PRAG1: variants seen among roughly 807,000 people sequenced by gnomAD.
PRAG1 encodes the protein PEAK1 related, kinase-activating pseudokinase 1.
PRAG1 carries 110 observed loss-of-function variants against 95.6 expected under a neutral mutation model. The observed-to-expected ratio is 1.15, with a 90% CI of 0.99 to 1.35. The LOEUF is 1.35. Among genes scored for constraint, PRAG1 ranks in the 40% most tolerant of loss-of-function variants. The pLI, the probability that PRAG1 is intolerant of heterozygous loss-of-function variation, is 0.00. For missense variants in PRAG1, 2,554 were observed against 1,864.7 expected, an observed-to-expected ratio of 1.37 and a Z score of -6.81; for synonymous variants, 1,052 against 819.4, an observed-to-expected ratio of 1.28 and a Z score of -4.85.
intron 4 of PRAG1, among the ~76,000 whole-genome samples, chr8:8,337,500 G>C (rs558325687): frequency 6.6e-6 from 1 of 152,158 alleles, no homozygotes; most frequent in Non-Finnish European, 1.5e-5. Context: ...GAGAGAGAGA[G>C]AGAAAGAATG....
At chr8:8,380,476 A>G (rs1212794624) in intron 2 of PRAG1, among the ~76,000 whole-genome samples, 1 of 152,008 alleles carries the variant, frequency 6.6e-6, no homozygotes. Flanking sequence ...GTATGTACCT[A>G]TAGCCCCAGC....
chr8:8,380,587 G>A (rs1372894556), intron 2 of PRAG1, among the ~76,000 whole-genome samples: 1 of 151,982 alleles, frequency 6.6e-6, no homozygotes, highest in East Asian at 1.9e-4. Flanking sequence ...AATTAGCGGT[G>A]CCTCACGCCT....
intron 2 of PRAG1, among the ~76,000 whole-genome samples, chr8:8,378,472 G>A (rs911812522): frequency 5.9e-5 from 9 of 152,176 alleles, no homozygotes; most frequent in Non-Finnish European, 1.0e-4. Flanking sequence ...TTGGGGTTTT[G>A]TTTAATTTTT....
At position 8,328,322 on chromosome 8, in the gene PRAG1, T is replaced by A. The variant is rs773193946; in HGVS notation, c.2460A>T (p.Ile820=). 17 of 1,613,542 alleles carry A rather than the reference T, an allele frequency of 1.1e-5. No homozygotes were observed. The highest frequency in any genetic ancestry group is 1.4e-5 in the Non-Finnish European group (17 of 1,179,854). The part of the protein sequence containing the change: ...QQPPPLPQKK[I]VSRAASSPDG... ...CCGGTGAAGAGGCTGCCCGGCTCACTATCTTTTTCTGGGGGAGTGGAGGGG... is the reference window on the plus strand; with the variant it reads ...CCGGTGAAGAGGCTGCCCGGCTCACAATCTTTTTCTGGGGGAGTGGAGGGG... The change falls in exon 5 of 6, where the codon ATA becomes ATT. Residue 820 remains isoleucine, a synonymous_variant. Coordinates refer to ENST00000615670, the MANE Select transcript of PRAG1 (RefSeq NM_001080826.3).
chr8:8,331,053 T>C (rs553493147), intron 4 of PRAG1, among the ~76,000 whole-genome samples: 2 of 152,094 alleles, frequency 1.3e-5, no homozygotes, highest in Non-Finnish European at 2.9e-5. Flanking sequence ...CAATTTATCA[T>C]CAACACAACA....
At chr8:8,329,651 G>A (rs1798756869) in intron 4 of PRAG1, among the ~76,000 whole-genome samples, 1 of 152,184 alleles carries the variant, frequency 6.6e-6, no homozygotes, top group Non-Finnish European at 1.5e-5. Flanking sequence ...GACATTTCTA[G>A]GGCTGCTCCT....
chr8:8,374,753 C>T, intron 3 of PRAG1: 1 of 966,056 alleles, frequency 1.0e-6, no homozygotes, highest in Non-Finnish European at 1.2e-6. Flanking sequence ...GGTGGGCGGC[C>T]AGTGCAATAC....
chr8:8,345,695 T>G (rs1373841205), intron 3 of PRAG1, among the ~76,000 whole-genome samples: 1 of 152,134 alleles, frequency 6.6e-6, no homozygotes. Flanking sequence ...CTCAGGAGAC[T>G]AAGGCAGGAG....
At chr8:8,384,888 G>C (rs972512891) in intron 1 of PRAG1, among the ~76,000 whole-genome samples, 2 of 152,110 alleles carry the variant, frequency 1.3e-5, no homozygotes, top group African/African-American at 2.4e-5. Context: ...AAAGAGCTCA[G>C]CATTCTTTCT....
chr8:8,340,207 T>C (rs1236188134), intron 3 of PRAG1, among the ~76,000 whole-genome samples: 2 of 152,234 alleles, frequency 1.3e-5, no homozygotes, highest in Non-Finnish European at 2.9e-5. Context: ...TAGAAACAAA[T>C]TGACATAACC....
Position 8,381,435 on chromosome 8 carries a change from T to C in PRAG1, c.313A>G (p.Ser105Gly). 1 of 1,606,208 alleles carries C rather than the reference T, an allele frequency of 6.2e-7. No individual in the cohort carries two copies. The highest frequency in any genetic ancestry group is 8.5e-7 in the Non-Finnish European group (1 of 1,173,476). Residue 105 changes from serine to glycine, a missense_variant, in exon 2 of 6, where the codon AGT becomes GGT. Physicochemically the swap from Ser to Gly is moderately conservative, Grantham distance 56. Transcript: ENST00000615670. ...AGCCTCACCTGCGAGACTTCGGCAC[T>C]CAGGTTGGCCTCTGTCCACACATCA... Reference protein sequence around the residue: ...ASDVWTEANLSAEVSQVIWRR... With the variant: ...ASDVWTEANLGAEVSQVIWRR...
chr8:8,334,984 T>C (rs147157070), intron 4 of PRAG1, among the ~76,000 whole-genome samples: 35 of 151,916 alleles, frequency 2.3e-4, no homozygotes, highest in Non-Finnish European at 4.4e-4. Flanking sequence ...GGCAGGAGAA[T>C]TGTTTGAACC....
intron 1 of PRAG1, among the ~76,000 whole-genome samples, chr8:8,385,989 C>G (rs1800834646): frequency 6.6e-6 from 1 of 152,206 alleles, no homozygotes; most frequent in Non-Finnish European, 1.5e-5. Context: ...AGCCTCCGGC[C>G]GCAGACAGAG....
chr8:8,378,126 GAA>G, intron 2 of PRAG1, 48 bp from the exon 3 acceptor site: 2 of 1,499,992 alleles, frequency 1.3e-6, no homozygotes, highest in Non-Finnish European at 1.8e-6. Flanking sequence ...ACTTGTCATA[GAA>G]AAAAGAGAGA....
chr8:8,349,979 T>C (rs543355534), intron 3 of PRAG1, among the ~76,000 whole-genome samples: 1 of 148,820 alleles, frequency 6.7e-6, no homozygotes, highest in South Asian at 2.1e-4. Flanking sequence ...CAAACACACA[T>C]ACATGCACAC....
chr8:8,334,445 AAAG>A (rs759129959), intron 4 of PRAG1, among the ~76,000 whole-genome samples: 47 of 151,838 alleles, frequency 3.1e-4, no homozygotes, highest in African/African-American at 1.1e-3. Flanking sequence ...CAAAAAAAAA[AAAG>A]CATTTCTTTA....
At position 8,328,770 on chromosome 8, in the gene PRAG1, G is replaced by A. The variant is rs563289629; in HGVS notation, c.2321-309C>T. Among the ~76,000 whole-genome samples the A allele has an allele frequency of 2.7e-5, 4 of 150,466 alleles. No homozygotes were observed. In the East Asian group the frequency reaches 5.8e-4, roughly 22 times the overall value. ...AATCCAAACAAATGCGTGCCTGCAC[G>A]CGTGCGCACACACACACACACACAC... On this transcript the variant is annotated intron_variant, in intron 4 of 5. Coordinates refer to ENST00000615670, the MANE Select transcript of PRAG1 (RefSeq NM_001080826.3).
chr8:8,331,361 G>C lies in PRAG1; in HGVS notation c.2321-2900C>G, dbSNP rs144498915. Among the ~76,000 whole-genome samples the C allele has an allele frequency of 3.8e-3, 575 of 152,222 alleles. 2 individuals are homozygous for C. The Middle Eastern group carries it at 0.041, about 11-fold the overall frequency. ...CCAATTTGAGGGTGAGCAGTGGAGT[G>C]AACACTTCACCAGCTGTCAGCCTGC... is the stretch of plus-strand genomic sequence containing the variant. On this transcript the variant is annotated intron_variant, in intron 4 of 5. Transcript: ENST00000615670.
At chr8:8,364,835 G>C (rs533306175) in intron 3 of PRAG1, among the ~76,000 whole-genome samples, 10 of 152,058 alleles carry the variant, frequency 6.6e-5, no homozygotes, top group Non-Finnish European at 1.3e-4. Flanking sequence ...GAACTGTAAG[G>C]ATCTTCTCTA....
Sources: gnomAD v4.1 joint callset for allele counts (sites outside exome capture counted in the v4.1 genomes callset) on GRCh38, gnomAD v4.1.1 for gene constraint, MANE v1.5 for transcripts, NCBI Gene and HGNC (gene_info 2026-07-23, HGNC 2026-07-21) for gene names.